ZNF804B: variants seen among roughly 807,000 people sequenced by gnomAD.
ZNF804B encodes the protein zinc finger 804B.
A neutral mutation model predicts 101.4 loss-of-function variants in ZNF804B; 80 were observed. The ratio of observed to expected loss-of-function variants is 0.79; its 90% confidence interval spans 0.66 to 0.95. The LOEUF is 0.95. Ranked by LOEUF, ZNF804B falls within the 40% of genes least tolerant of loss-of-function variation. The pLI is 0.00. For missense variants in ZNF804B, 1,673 were observed against 1,561.9 expected (o/e 1.07, Z -1.20); for synonymous variants, 622 against 558.8 (o/e 1.11, Z -1.59).
chr7:89,305,277 T>C (rs1049871160), intron 2 of ZNF804B, among the ~76,000 whole-genome samples: 1 of 152,036 alleles, frequency 6.6e-6, no homozygotes, highest in East Asian at 1.9e-4. Context: ...TGGCCACCAG[T>C]CAATTTGATT....
intron 1 of ZNF804B, among the ~76,000 whole-genome samples, chr7:88,980,931 C>A (rs1456198730): frequency 6.6e-6 from 1 of 152,050 alleles, no homozygotes; most frequent in African/African-American, 2.4e-5. Flanking sequence ...CCAAGCAGGT[C>A]TGTAAATGCC....
At chr7:89,124,817 A>C (rs1172166965) in intron 1 of ZNF804B, among the ~76,000 whole-genome samples, 1 of 151,692 alleles carries the variant, frequency 6.6e-6, no homozygotes, top group Admixed American at 6.6e-5. Flanking sequence ...TTTTTTTTTC[A>C]GTTCTTGATA....
chr7:88,983,002 G>A (rs1386345481), intron 1 of ZNF804B, among the ~76,000 whole-genome samples: 1 of 152,036 alleles, frequency 6.6e-6, no homozygotes, highest in Non-Finnish European at 1.5e-5. Context: ...CTATGGGAGA[G>A]GAAATGGGAC....
intron 1 of ZNF804B, among the ~76,000 whole-genome samples, chr7:88,807,945 T>C (rs1790718023): frequency 6.6e-6 from 1 of 152,258 alleles, no homozygotes. Flanking sequence ...GGAAAAGCCT[T>C]CACTAAATTG....
intron 1 of ZNF804B, among the ~76,000 whole-genome samples, chr7:88,917,036 A>T (rs1792642691): frequency 6.6e-6 from 1 of 152,022 alleles, no homozygotes; most frequent in Non-Finnish European, 1.5e-5. Context: ...AGGCCGAAGC[A>T]GGTGGATCAC....
chr7:88,997,637 C>A (rs1584061623), intron 1 of ZNF804B, among the ~76,000 whole-genome samples: 1 of 152,018 alleles, frequency 6.6e-6, no homozygotes, highest in Non-Finnish European at 1.5e-5. Context: ...CTGGCAGGGG[C>A]AGCCACCTGG....
At chr7:89,021,463 T>C (rs1320234506) in intron 1 of ZNF804B, among the ~76,000 whole-genome samples, 1 of 152,152 alleles carries the variant, frequency 6.6e-6, no homozygotes, top group Non-Finnish European at 1.5e-5. Context: ...CTGGGCTGTT[T>C]CTCAAGCCCT....
intron 2 of ZNF804B, among the ~76,000 whole-genome samples, chr7:89,224,195 T>TA (rs985687506): frequency 1.3e-5 from 2 of 151,904 alleles, no homozygotes; most frequent in African/African-American, 2.4e-5. Context: ...TCTTTAATAA[T>TA]AAAAAACAAA....
At chr7:88,859,829 A>C (rs1791621582) in intron 1 of ZNF804B, among the ~76,000 whole-genome samples, 1 of 151,968 alleles carries the variant, frequency 6.6e-6, no homozygotes, top group Non-Finnish European at 1.5e-5. Flanking sequence ...GAGTATTCAG[A>C]AACAACTTAA....
intron 2 of ZNF804B, among the ~76,000 whole-genome samples, chr7:89,300,697 TATA>T (rs1790458641): frequency 1.3e-5 from 2 of 151,832 alleles, no homozygotes; most frequent in African/African-American, 2.4e-5. Context: ...TGGAGAGGTA[TATA>T]CTGAGTGCCT....
chr7:88,774,629 A>G (rs1482819549), intron 1 of ZNF804B, among the ~76,000 whole-genome samples: 1 of 152,214 alleles, frequency 6.6e-6, no homozygotes. Flanking sequence ...TTATTCTTCA[A>G]TGTGAATAAA....
At chr7:88,885,423 TA>T (rs1473486226) in intron 1 of ZNF804B, among the ~76,000 whole-genome samples, 7 of 151,544 alleles carry the variant, frequency 4.6e-5, no homozygotes, top group African/African-American at 1.7e-4. Flanking sequence ...TGATTTTGGC[TA>T]AACAATACAA....
chr7:89,013,608 C>T (rs1037444574), intron 1 of ZNF804B, among the ~76,000 whole-genome samples: 1 of 152,192 alleles, frequency 6.6e-6, no homozygotes, highest in African/African-American at 2.4e-5. Context: ...TTCACAGCAT[C>T]TCAAACATTT....
chr7:89,097,868 C>G (rs1013413581), intron 1 of ZNF804B, among the ~76,000 whole-genome samples: 4 of 152,062 alleles, frequency 2.6e-5, no homozygotes, highest in Non-Finnish European at 4.4e-5. Flanking sequence ...ACAAATGCAT[C>G]ACCTGCTTTT....
At chr7:88,855,015 T>A (rs575580470) in intron 1 of ZNF804B, among the ~76,000 whole-genome samples, 1 of 152,038 alleles carries the variant, frequency 6.6e-6, no homozygotes, top group East Asian at 1.9e-4. Flanking sequence ...GGTTGGACAT[T>A]TGGGTTGGTT....
At chr7:89,118,576 G>GAA (rs142429532) in intron 1 of ZNF804B, among the ~76,000 whole-genome samples, 116 of 150,534 alleles carry the variant, frequency 7.7e-4, no homozygotes, top group African/African-American at 2.7e-3. Context: ...TTTTTCACAA[G>GAA]AAAAAAAAAT....
At chr7:89,327,266 A>G (rs1790909712) in intron 2 of ZNF804B, 78 bp from the exon 3 acceptor site, 1 of 1,387,974 alleles carries the variant, frequency 7.2e-7, no homozygotes, top group South Asian at 1.5e-5. Flanking sequence ...TAGGATAAAG[A>G]ATAATAAGGA....
intron 1 of ZNF804B, among the ~76,000 whole-genome samples, chr7:88,792,273 C>A (rs1562794547): frequency 6.6e-6 from 1 of 152,044 alleles, no homozygotes; most frequent in African/African-American, 2.4e-5. Flanking sequence ...GTAAGAAAGG[C>A]ATGTGGGATT....
chr7:89,011,477 G>A (rs1049638239), intron 1 of ZNF804B, among the ~76,000 whole-genome samples: 2 of 152,142 alleles, frequency 1.3e-5, no homozygotes, highest in African/African-American at 2.4e-5. Context: ...AGACAAGGAA[G>A]TCTTTTCCAC....
Sources: allele counts gnomAD v4.1 joint callset (sites outside exome capture counted in the v4.1 genomes callset), GRCh38; gene constraint gnomAD v4.1.1; transcripts MANE v1.5; gene names NCBI Gene and HGNC (gene_info 2026-07-23, HGNC 2026-07-21).